Variants in DENND4C observed in about 807,000 individuals in gnomAD.
DENND4C encodes the protein DENN domain-containing protein 4C.
Under a neutral mutation model 203.0 loss-of-function variants are expected in DENND4C, and 108 were observed. That is an observed-to-expected ratio of 0.53 (90% CI 0.46 to 0.62). The LOEUF is 0.62. DENND4C is among the 20% of genes least tolerant of loss of function. The probability of loss-of-function intolerance (pLI) is 0.00; values close to 1 mark genes in which losing one functional copy is unlikely to be tolerated. For synonymous variants in DENND4C, 871 were observed against 792.4 expected (o/e 1.10, Z -1.67); for missense variants, 2,481 against 2,301.2 (o/e 1.08, Z -1.60).
chr9:19,305,782 A>G (rs1283739613), intron 10 of DENND4C, among the ~76,000 whole-genome samples: 1 of 152,236 alleles, frequency 6.6e-6, no homozygotes, highest in Non-Finnish European at 1.5e-5. Context: ...TATGTTTATC[A>G]GAAGAGACTA....
At chr9:19,336,857 C>T in intron 20 of DENND4C, 25 bp downstream of exon 20, 2 of 1,538,392 alleles carry the variant, frequency 1.3e-6, no homozygotes, top group Non-Finnish European at 1.8e-6. Context: ...ATTTTACTAA[C>T]CCTTCACTTA....
rs1043357042 is a variant in DENND4C, at chr9:19,374,034, G to C, written c.*1861G>C. On this transcript the variant is annotated 3_prime_UTR_variant, in exon 33 of 33. Transcript: ENST00000434457. The stretch of plus-strand genomic sequence containing the variant: ...TATATATTTTTGCAACTCAAGACTT[G>C]GTACTAGTTTTAATACTTAACACTT... Among the ~76,000 whole-genome samples, 1 of 151,972 alleles carries C rather than the reference G, an allele frequency of 6.6e-6. No homozygotes were observed. Among genetic ancestry groups the C allele is most frequent in the African/African-American group, 2.4e-5 (1 of 41,342 alleles).
At position 19,300,296 on chromosome 9, in the gene DENND4C, G is replaced by A. The variant is rs1349921079; in HGVS notation, c.1276G>A (p.Ala426Thr). 1 of 1,605,018 alleles carries A rather than the reference G, an allele frequency of 6.2e-7. No individual in the cohort carries two copies. The highest frequency in any genetic ancestry group is 1.1e-5 in the South Asian group (1 of 89,620). The stretch of plus-strand genomic sequence containing the variant: ...AATTCTGCTGCATTCTCTTAGGCCA[G>A]CTGTCTTGACTGGGGTAGCTGAAGC... ...SKILLHSLRP[A>T]VLTGVAEAVV... The change falls in exon 9 of 33, where the codon GCT (alanine) becomes ACT (threonine). Residue 426 changes from alanine to threonine, a missense_variant. This residue lies in a region of DENND4C where 2,289 missense variants were observed against 2,113.3 expected (regional missense o/e 1.08). Coordinates refer to ENST00000434457, the MANE Select transcript of DENND4C (RefSeq NM_001330640.2).
chr9:19,364,568 C>T (rs1449032286), intron 30 of DENND4C, among the ~76,000 whole-genome samples: 2 of 152,200 alleles, frequency 1.3e-5, no homozygotes, highest in African/African-American at 4.8e-5. Context: ...GCCACTGTTC[C>T]CAGCCCCAGC....
rs142512369 is a variant in DENND4C at position 19,325,939 on chromosome 9, T to A, written c.1954T>A (p.Leu652Met). 4 of 1,604,476 alleles carry A rather than the reference T, an allele frequency of 2.5e-6. No individual in the cohort carries two copies. Among genetic ancestry groups the A allele is most frequent in the Non-Finnish European group, 3.4e-6 (4 of 1,175,818 alleles). ...AAGAATCTGTTTTCTTTTTTTCTAG[T>A]TGTTTCCTGATAAAGGCACAGAGAA... ...LAFFDDCIEK[L>M]FPDKGTEKTD... Residue 652 changes from leucine (L) to methionine (M), a missense_variant and splice_region_variant, in exon 14 of 33, where the codon TTG (leucine) becomes ATG (methionine). Around this residue, in one of 3 missense-constraint regions of DENND4C, gnomAD observed 2,289 missense variants for 2,113.3 expected, o/e 1.08. Coordinates refer to ENST00000434457, the MANE Select transcript of DENND4C (RefSeq NM_001330640.2).
rs766700841 is a variant in DENND4C, at chr9:19,304,713, C to CT, written c.1312-622dup. 5.8e-3 allele frequency among the ~76,000 whole-genome samples: 769 copies of CT among 133,188 alleles called. 3 individuals carry two copies. Among genetic ancestry groups the CT allele is most frequent in the African/African-American group, 6.8e-3 (248 of 36,448 alleles). The allele number at this position is 133,188 out of a possible 152,430, so 87.4% of individuals were successfully genotyped here. A position where few individuals can be genotyped will look rare whatever the true frequency, so the allele number is the denominator to read the frequency against. On this transcript the variant is annotated intron_variant, in intron 9 of 32. Coordinates refer to ENST00000434457, the MANE Select transcript of DENND4C (RefSeq NM_001330640.2). ...CACCACGTCTGGCTAATTTTTTGTACTTTTTTTTTTTTTTTTTAGTAGAGA... is the reference window on the plus strand; with the variant it reads ...CACCACGTCTGGCTAATTTTTTGTACTTTTTTTTTTTTTTTTTTAGTAGAGA...
At chr9:19,310,729 C>T (rs550879235) in intron 10 of DENND4C, among the ~76,000 whole-genome samples, 1 of 151,996 alleles carries the variant, frequency 6.6e-6, no homozygotes, top group African/African-American at 2.4e-5. Flanking sequence ...ATTGGATGTT[C>T]ACGCACATGT....
intron 1 of DENND4C, among the ~76,000 whole-genome samples, chr9:19,256,159 A>G (rs1470511248): frequency 6.6e-6 from 1 of 152,130 alleles, no homozygotes; most frequent in Admixed American, 6.5e-5. Flanking sequence ...TGGGTTATAC[A>G]AAGTACATTC....
At chr9:19,267,244 T>C (rs1034866351) in intron 1 of DENND4C, among the ~76,000 whole-genome samples, 17 of 152,216 alleles carry the variant, frequency 1.1e-4, no homozygotes, top group African/African-American at 3.6e-4. Context: ...GGAGTCCATC[T>C]CTCTTTAGCT....
At chr9:19,269,376 C>A (rs1192270662) in intron 1 of DENND4C, among the ~76,000 whole-genome samples, 1 of 152,164 alleles carries the variant, frequency 6.6e-6, no homozygotes, top group African/African-American at 2.4e-5. Flanking sequence ...CCAGGCTGGT[C>A]TCGAACTCCT....
intron 1 of DENND4C, among the ~76,000 whole-genome samples, chr9:19,275,923 T>A (rs1246459006): frequency 6.6e-6 from 1 of 152,174 alleles, no homozygotes. Flanking sequence ...TAATTATCCT[T>A]AATAGAATAT....
At chr9:19,341,463 C>G (rs778779995) in intron 21 of DENND4C, among the ~76,000 whole-genome samples, 1 of 151,892 alleles carries the variant, frequency 6.6e-6, no homozygotes, top group Non-Finnish European at 1.5e-5. Flanking sequence ...GCACGTGCCA[C>G]CACACCCAGC....
chr9:19,311,154 C>G (rs560901024), intron 10 of DENND4C, among the ~76,000 whole-genome samples: 2 of 152,226 alleles, frequency 1.3e-5, no homozygotes, highest in South Asian at 4.1e-4. Context: ...GAGTCTTGCT[C>G]TGTCTCCCAC....
At chr9:19,308,204 A>G (rs1840062615) in intron 10 of DENND4C, among the ~76,000 whole-genome samples, 1 of 152,178 alleles carries the variant, frequency 6.6e-6, no homozygotes, top group South Asian at 2.1e-4. Context: ...TCTGAAGCAT[A>G]TACCTGGAAG....
intron 5 of DENND4C, among the ~76,000 whole-genome samples, chr9:19,294,027 G>T (rs1420701904): frequency 3.3e-5 from 5 of 152,164 alleles, no homozygotes; most frequent in African/African-American, 1.2e-4. Context: ...GTGTTTAGAT[G>T]ATGAGCTCAC....
chr9:19,357,152 A>G lies in DENND4C; in HGVS notation c.4962A>G (p.Pro1654=), dbSNP rs369770957. The G allele has an allele frequency of 1.5e-5, 25 of 1,613,702 alleles. No individual in the cohort carries two copies. In the African/African-American group the frequency reaches 2.8e-4, roughly 18 times the overall value. Residue 1654 remains proline (P), a splice_region_variant and synonymous_variant, in exon 27 of 33, where the codon CCA becomes CCG. Coordinates refer to ENST00000434457, the MANE Select transcript of DENND4C (RefSeq NM_001330640.2). The part of the protein sequence containing the change: ...ITEETGSAVE[P]SDEIKRASGD... ...AAGAAACAGGCTCTGCAGTTGAACC[A>G]AGGTATCAAAGGGTACAGAGACCTC...
At chr9:19,246,226 C>T (rs1200417697) in intron 1 of DENND4C, among the ~76,000 whole-genome samples, 1 of 151,234 alleles carries the variant, frequency 6.6e-6, no homozygotes, top group African/African-American at 2.5e-5. Flanking sequence ...CGATTACACT[C>T]AGTTCTTTGT....
In DENND4C at chr9:19,373,962, T is replaced by A. The variant is rs150642113; in HGVS notation, c.*1789T>A. ...ATGAAACAATTTGTCAGAAATTATG[T>A]ACAATTTTCATTACCTTCAAAATGG... On this transcript the variant is annotated 3_prime_UTR_variant, in exon 33 of 33. Transcript: ENST00000434457. Among the ~76,000 whole-genome samples the A allele has an allele frequency of 2.8e-4, 43 of 152,320 alleles. 2 individuals are homozygous for A. The East Asian group carries it at 7.9e-3, about 28-fold the overall frequency.
intron 10 of DENND4C, among the ~76,000 whole-genome samples, chr9:19,307,782 A>G (rs900386580): frequency 6.6e-6 from 1 of 151,368 alleles, no homozygotes; most frequent in Non-Finnish European, 1.5e-5. Context: ...AAAAAAAAAA[A>G]AAAAGAAAAT....
Sources: gnomAD v4.1 joint callset for allele counts (sites outside exome capture counted in the v4.1 genomes callset) on GRCh38, gnomAD v4.1.1 for gene constraint, gnomAD v4.1.1 regional missense constraint, MANE v1.5 for transcripts, NCBI Gene and HGNC (gene_info 2026-07-23, HGNC 2026-07-21) for gene names.